ZMYM2: variants seen among roughly 807,000 people sequenced by gnomAD.
ZMYM2 encodes zinc finger MYM-type containing 2.
Under a neutral mutation model 162.8 loss-of-function variants are expected in ZMYM2, and 56 were observed. The observed-to-expected ratio is 0.34, with a 90% CI of 0.28 to 0.43. The LOEUF (loss-of-function observed/expected upper bound fraction) is 0.43. Ranked by LOEUF, ZMYM2 falls within the 20% of genes least tolerant of loss-of-function variation. ZMYM2 has a pLI of 1.00. For missense variants in ZMYM2, 1,275 were observed against 1,621.8 expected (o/e 0.79, Z 3.67); for synonymous variants, 510 against 541.6 (o/e 0.94, Z 0.81).
intron 2 of ZMYM2, among the ~76,000 whole-genome samples, chr13:19,989,759 T>G (rs1949458295): frequency 6.6e-6 from 1 of 152,250 alleles, no homozygotes; most frequent in South Asian, 2.1e-4. Context: ...TTATTCTGTT[T>G]TTCTGTGCCC....
intron 14 of ZMYM2, among the ~76,000 whole-genome samples, chr13:20,056,270 A>G (rs1955786616): frequency 6.6e-6 from 1 of 152,192 alleles, no homozygotes; most frequent in Non-Finnish European, 1.5e-5. Flanking sequence ...GATACCCAAA[A>G]TATTCTGGGA....
chr13:19,958,047 G>A (rs1322105490), upstream of ZMYM2, among the ~76,000 whole-genome samples: 4 of 152,264 alleles, frequency 2.6e-5, no homozygotes, highest in Non-Finnish European at 5.9e-5. Flanking sequence ...CAAAATGGAG[G>A]ACGTCGTCTC....
At chr13:20,044,052 CTCT>C (rs1269658964) in intron 12 of ZMYM2, among the ~76,000 whole-genome samples, 3 of 152,194 alleles carry the variant, frequency 2.0e-5, no homozygotes, top group Middle Eastern at 3.4e-3. Context: ...TCAGACTGGC[CTCT>C]TCTTATGGGC....
At chr13:19,903,903 G>T in the ZMYM2 span, among the ~76,000 whole-genome samples, 1 of 152,024 alleles carries the variant, frequency 6.6e-6, no homozygotes, top group African/African-American at 2.4e-5. Flanking sequence ...AGTGTTTAGG[G>T]AGGTTTTTTG....
chr13:20,009,842 C>G (rs1026670123), intron 6 of ZMYM2, among the ~76,000 whole-genome samples: 3 of 152,106 alleles, frequency 2.0e-5, no homozygotes, highest in African/African-American at 7.2e-5. Flanking sequence ...TTTGTTGCCA[C>G]CTTTGACTAT....
chr13:20,023,731 ATAAATTTGTATGAAATT>A (rs1231179092), intron 7 of ZMYM2, among the ~76,000 whole-genome samples: 2 of 152,230 alleles, frequency 1.3e-5, no homozygotes, highest in Non-Finnish European at 2.9e-5. Flanking sequence ...TAGGACGCAT[ATAAATTTGTATGAAATT>A]TAAATATGAT....
At chr13:19,992,874 A>G (rs1949735510) in intron 2 of ZMYM2, among the ~76,000 whole-genome samples, 189 bp from the exon 3 acceptor site, 1 of 151,642 alleles carries the variant, frequency 6.6e-6, no homozygotes, top group East Asian at 1.9e-4. Flanking sequence ...GTTATCCTGC[A>G]AAAGTTAACA....
the ZMYM2 span, among the ~76,000 whole-genome samples, chr13:19,943,547 C>G: frequency 2.0e-5 from 3 of 152,166 alleles, no homozygotes; most frequent in Non-Finnish European, 4.4e-5. Context: ...CATTTATTTA[C>G]ATTCAAATTT....
At chr13:20,023,983 G>A (rs1952348237) in intron 7 of ZMYM2, among the ~76,000 whole-genome samples, 1 of 150,486 alleles carries the variant, frequency 6.6e-6, no homozygotes, top group Admixed American at 6.6e-5. Context: ...TGCCCAGGCT[G>A]GAGTGTAGTG....
chr13:19,993,040 T>A, intron 2 of ZMYM2, 23 bp from the exon 3 acceptor site: 1 of 1,541,100 alleles, frequency 6.5e-7, no homozygotes, highest in Non-Finnish European at 8.7e-7. Context: ...ACATTTTAAT[T>A]CTTTTTTCTA....
intron 10 of ZMYM2, among the ~76,000 whole-genome samples, chr13:20,033,605 A>T (rs925834871): frequency 2.0e-5 from 3 of 152,222 alleles, no homozygotes; most frequent in African/African-American, 7.2e-5. Context: ...TAGCCTGCTC[A>T]ATAATGAGAG....
chr13:19,867,306 C>T, the ZMYM2 span, among the ~76,000 whole-genome samples: 13 of 150,992 alleles, frequency 8.6e-5, no homozygotes, highest in South Asian at 2.1e-4. Flanking sequence ...GCAGAGATCG[C>T]GCCATCGCAC....
At chr13:19,974,558 C>T (rs1393649328) in intron 2 of ZMYM2, among the ~76,000 whole-genome samples, 1 of 150,222 alleles carries the variant, frequency 6.7e-6, no homozygotes, top group Non-Finnish European at 1.5e-5. Context: ...TCTCTGCAGT[C>T]TCTTCCGGGT....
At chr13:19,943,157 T>C in the ZMYM2 span, among the ~76,000 whole-genome samples, 60 of 152,284 alleles carry the variant, frequency 3.9e-4, no homozygotes, top group Non-Finnish European at 4.4e-5. Flanking sequence ...AGATGCAACA[T>C]TACAGTCATA....
intron 19 of ZMYM2, 129 bp from the exon 20 acceptor site, chr13:20,066,722 C>T (rs1832771824): frequency 1.2e-6 from 1 of 805,752 alleles, no homozygotes; most frequent in Non-Finnish European, 1.8e-6. Flanking sequence ...CCAAGTGGAC[C>T]CCTGCAGTTC....
intron 11 of ZMYM2, among the ~76,000 whole-genome samples, chr13:20,035,030 G>C (rs1260961423): frequency 6.6e-6 from 1 of 152,158 alleles, no homozygotes. Context: ...TGTTATTCCT[G>C]TTCCCAATGT....
intron 2 of ZMYM2, among the ~76,000 whole-genome samples, chr13:19,965,047 T>G (rs2139140746): frequency 6.6e-6 from 1 of 151,282 alleles, no homozygotes; most frequent in South Asian, 2.1e-4. Flanking sequence ...GTAACTAACC[T>G]GCACAATGTG....
chr13:20,002,478 T>G (rs932595646), intron 3 of ZMYM2, among the ~76,000 whole-genome samples: 5 of 152,224 alleles, frequency 3.3e-5, no homozygotes, highest in Non-Finnish European at 7.3e-5. Context: ...TGTGAACCAT[T>G]CTTTTTTCTT....
intron 21 of ZMYM2, among the ~76,000 whole-genome samples, chr13:20,074,656 A>G (rs577947301): frequency 6.6e-6 from 1 of 151,598 alleles, no homozygotes; most frequent in Admixed American, 6.6e-5. Flanking sequence ...CTCCTGCCTC[A>G]GCCTCCCGAG....
Sources: allele counts gnomAD v4.1 joint callset (sites outside exome capture counted in the v4.1 genomes callset), GRCh38; gene constraint gnomAD v4.1.1; transcripts MANE v1.5; gene names NCBI Gene and HGNC (gene_info 2026-07-23, HGNC 2026-07-21).